ARHGEF3: variants seen among roughly 807,000 people sequenced by gnomAD.
ARHGEF3 encodes Rho guanine nucleotide exchange factor 3.
Under a neutral mutation model 63.2 loss-of-function variants are expected in ARHGEF3, and 28 were observed. The observed-to-expected ratio is 0.44, with a 90% CI of 0.33 to 0.61. The LOEUF (loss-of-function observed/expected upper bound fraction) is 0.61, where lower values mean the gene tolerates loss of function less well. Ranked by LOEUF, ARHGEF3 falls within the 20% of genes least tolerant of loss-of-function variation. ARHGEF3 has a pLI of 0.03. For synonymous variants in ARHGEF3, 266 were observed against 254.2 expected, an observed-to-expected ratio of 1.05 and a Z score of -0.44; for missense variants, 533 against 659.3, an observed-to-expected ratio of 0.81 and a Z score of 2.10.
chr3:56,964,899 A>C (rs1400060229), intron 2 of ARHGEF3, among the ~76,000 whole-genome samples: 3 of 152,172 alleles, frequency 2.0e-5, no homozygotes, highest in Non-Finnish European at 4.4e-5. Context: ...AAATAGATAA[A>C]ACTGGCCAAA....
At chr3:56,759,235 T>C (rs2035277504) in intron 2 of ARHGEF3, among the ~76,000 whole-genome samples, 1 of 149,164 alleles carries the variant, frequency 6.7e-6, no homozygotes, top group African/African-American at 2.5e-5. Flanking sequence ...TGGAGTGCAG[T>C]GGCACGATCT....
chr3:56,959,076 C>G (rs1286430968), intron 2 of ARHGEF3, among the ~76,000 whole-genome samples: 4 of 152,140 alleles, frequency 2.6e-5, no homozygotes, highest in Non-Finnish European at 4.4e-5. Flanking sequence ...TCTCAGTTCC[C>G]CAGCAGGAAA....
At chr3:57,013,001 G>A (rs1008672369) in intron 2 of ARHGEF3, among the ~76,000 whole-genome samples, 3 of 152,212 alleles carry the variant, frequency 2.0e-5, no homozygotes, top group African/African-American at 7.2e-5. Context: ...GAGGGGCTTA[G>A]CACCCGGGCC....
intron 1 of ARHGEF3, among the ~76,000 whole-genome samples, chr3:57,042,700 A>ATTTTTTTTTTTTT (rs869145503): frequency 1.2e-4 from 8 of 66,136 alleles, no homozygotes; most frequent in Admixed American, 2.5e-4. Flanking sequence ...ATATATATAT[A>ATTTTTTTTTTTTT]TTTTTTTTTT....
At chr3:56,774,914 C>CA (rs1290678426) in intron 1 of ARHGEF3, 68 of 1,129,928 alleles carry the variant, frequency 6.0e-5, no homozygotes, top group Admixed American at 3.4e-4. Context: ...AACAAACAAA[C>CA]AACAACAACA....
intron 1 of ARHGEF3, among the ~76,000 whole-genome samples, chr3:57,070,885 T>C (rs1705851079): frequency 6.6e-6 from 1 of 150,790 alleles, no homozygotes; most frequent in Non-Finnish European, 1.5e-5. Flanking sequence ...GGTGGGAGGA[T>C]TGCTTGAGCC....
intron 2 of ARHGEF3, among the ~76,000 whole-genome samples, chr3:57,024,620 T>C (rs1188431116): frequency 1.3e-5 from 2 of 152,268 alleles, no homozygotes; most frequent in Middle Eastern, 6.8e-3. Flanking sequence ...CCCAAGTAGC[T>C]GGGACTACAG....
intron 2 of ARHGEF3, among the ~76,000 whole-genome samples, chr3:57,002,146 C>T (rs896788385): frequency 1.1e-4 from 17 of 151,450 alleles, no homozygotes; most frequent in African/African-American, 3.6e-4. Flanking sequence ...CTCCTGACCT[C>T]GTGATCTGCC....
chr3:57,037,025 C>T (rs935232137), intron 1 of ARHGEF3, among the ~76,000 whole-genome samples: 2 of 152,220 alleles, frequency 1.3e-5, no homozygotes, highest in African/African-American at 4.8e-5. Flanking sequence ...GCCACTGCCT[C>T]CAGTGCCGGT....
intron 3 of ARHGEF3, among the ~76,000 whole-genome samples, chr3:56,956,683 G>T (rs1384475372): frequency 1.3e-5 from 2 of 152,170 alleles, no homozygotes; most frequent in East Asian, 3.8e-4. Context: ...GGGCAAACTT[G>T]GATGGTTGGT....
Position 57,054,135 on chromosome 3 carries a change from G to A in ARHGEF3, c.-27-18959C>T, listed in dbSNP as rs143618473. On this transcript the variant is annotated intron_variant, in intron 1 of 12. Transcript: ENST00000338458. ...ATACTCCCACTAGCAGTGTGTGTGA[G>A]TTCCAGTTGCACCATATCTTCACCA... 1.5e-3 allele frequency among the ~76,000 whole-genome samples: 234 copies of A among 152,260 alleles called. 1 individual carries two copies. Among genetic ancestry groups the A allele is most frequent in the Admixed American group, 2.9e-3 (44 of 15,302 alleles).
chr3:56,763,645 C>G (rs1326214211), intron 2 of ARHGEF3, among the ~76,000 whole-genome samples: 2 of 152,158 alleles, frequency 1.3e-5, no homozygotes, highest in Non-Finnish European at 2.9e-5. Flanking sequence ...TGAAATACAA[C>G]AAAATGTTAA....
intron 1 of ARHGEF3, among the ~76,000 whole-genome samples, chr3:57,044,919 C>G (rs9790249): frequency 0.25 from 38,087 of 152,126 alleles, 5,738 homozygotes; most frequent in East Asian, 0.63. Context: ...TGGAGGAGTT[C>G]TCATACTGTC....
At chr3:56,979,030 C>T (rs1332145515) in intron 2 of ARHGEF3, among the ~76,000 whole-genome samples, 1 of 152,182 alleles carries the variant, frequency 6.6e-6, no homozygotes, top group Non-Finnish European at 1.5e-5. Flanking sequence ...GTGGCATGCA[C>T]CTGTAGTCCC....
chr3:56,755,350 T>C (rs918205507), intron 2 of ARHGEF3, among the ~76,000 whole-genome samples, 199 bp from the exon 3 acceptor site: 36 of 152,170 alleles, frequency 2.4e-4, no homozygotes, highest in Admixed American at 2.3e-3. Flanking sequence ...CTTTGGAACA[T>C]GTGCTGGGAG....
At chr3:57,013,043 A>G (rs918150529) in intron 2 of ARHGEF3, among the ~76,000 whole-genome samples, 1 of 152,160 alleles carries the variant, frequency 6.6e-6, no homozygotes, top group Non-Finnish European at 1.5e-5. Context: ...ATCCCCCAGC[A>G]CTGCCGGCCG....
At chr3:56,975,086 T>C (rs1324747724) in intron 2 of ARHGEF3, among the ~76,000 whole-genome samples, 1 of 152,102 alleles carries the variant, frequency 6.6e-6, no homozygotes, top group Non-Finnish European at 1.5e-5. Context: ...TCAATCTCTC[T>C]GTCATAGAGA....
chr3:56,731,982 A>C, intron 9 of ARHGEF3: 2 of 598,406 alleles, frequency 3.3e-6, no homozygotes, highest in African/African-American at 1.9e-5. Flanking sequence ...CTATGTGCAG[A>C]CAGTTTCACT....
chr3:56,873,827 G>C (rs2040506700), intron 4 of ARHGEF3, among the ~76,000 whole-genome samples: 1 of 152,198 alleles, frequency 6.6e-6, no homozygotes, highest in Non-Finnish European at 1.5e-5. Context: ...CCTGAAGTTT[G>C]TAATTCTGGT....
Sources: allele counts gnomAD v4.1 joint callset (sites outside exome capture counted in the v4.1 genomes callset), GRCh38; gene constraint gnomAD v4.1.1; transcripts MANE v1.5; gene names NCBI Gene and HGNC (gene_info 2026-07-23, HGNC 2026-07-21).